The following DSE variants were observed in gnomAD, a reference collection of about 807,000 sequenced individuals.
DSE encodes the protein dermatan-sulfate epimerase.
In DSE, 36 loss-of-function variants were observed where a neutral mutation model predicts 84.4. That is an observed-to-expected ratio of 0.43 (90% confidence interval 0.33 to 0.56). DSE has a LOEUF of 0.56. DSE is among the 20% of genes least tolerant of loss of function. The pLI is 0.06. For synonymous variants in DSE, 410 were observed against 430.1 expected (o/e 0.95, Z 0.58); for missense variants, 862 against 1,169.6 (o/e 0.74, Z 3.84).
intron 2 of DSE, among the ~76,000 whole-genome samples, chr6:116,310,549 C>A (rs7341320): frequency 0.023 from 3,553 of 152,250 alleles, 143 homozygotes; most frequent in African/African-American, 0.08. Context: ...CTCCACAATT[C>A]ATTCAGTTCA....
intron 2 of DSE, chr6:116,412,839 C>G (rs1782469936): frequency 6.6e-6 from 1 of 151,556 alleles, no homozygotes; most frequent in African/African-American, 2.4e-5. Flanking sequence ...TTTCTCAACC[C>G]TTGTTTCCCT....
At chr6:116,279,970 C>G (rs920526755) in intron 2 of DSE, 1 of 1,250,918 alleles carries the variant, frequency 8.0e-7, no homozygotes, top group Non-Finnish European at 1.2e-6. Flanking sequence ...GGAGATCTCA[C>G]GGTATCGCGA....
intron 2 of DSE, among the ~76,000 whole-genome samples, chr6:116,335,430 G>A (rs1260048286): frequency 6.6e-6 from 1 of 152,062 alleles, no homozygotes; most frequent in East Asian, 1.9e-4. Flanking sequence ...TGAGTACTAG[G>A]CTTAATACCT....
At position 116,433,363 on chromosome 6, in the gene DSE, A is replaced by G. The variant is rs1456223406; in HGVS notation, c.931A>G (p.Ile311Val). ...CCTAGGGTTTCAAAGGACTGTGGCTATTGCGGACTCAAATTACAACTGGTT... is the reference window on the plus strand; with the variant it reads ...CCTAGGGTTTCAAAGGACTGTGGCTGTTGCGGACTCAAATTACAACTGGTT... ...ILPGFQRTVA[I>V]ADSNYNWFYG... Residue 311 changes from isoleucine to valine, a missense_variant, in exon 5 of 6, where the codon ATT becomes GTT. Transcript: ENST00000644252. The G allele has an allele frequency of 3.9e-6, 6 of 1,551,274 alleles. No individual in the cohort carries two copies. Among genetic ancestry groups the G allele is most frequent in the African/African-American group, 1.4e-5 (1 of 73,042 alleles).
chr6:116,422,181 G>A (rs6917751), intron 2 of DSE, among the ~76,000 whole-genome samples: 53,903 of 151,998 alleles, frequency 0.35, 9,819 homozygotes, highest in Admixed American at 0.37. Context: ...TCAGTCTACC[G>A]AATGTTGACA....
At chr6:116,395,549 A>G (rs1781199066) in intron 1 of DSE, among the ~76,000 whole-genome samples, 1 of 152,258 alleles carries the variant, frequency 6.6e-6, no homozygotes, top group South Asian at 2.1e-4. Flanking sequence ...TACCACCTTC[A>G]ACAATTTTTG....
At chr6:116,383,712 A>C (rs1195410042) in intron 1 of DSE, among the ~76,000 whole-genome samples, 1 of 152,194 alleles carries the variant, frequency 6.6e-6, no homozygotes, top group Non-Finnish European at 1.5e-5. Context: ...CCTGGGAGAT[A>C]GATATTTCTA....
rs1272702426 is a variant in DSE at position 116,437,407 on chromosome 6, T to C, written c.*62T>C. On this transcript the variant is annotated 3_prime_UTR_variant, in exon 6 of 6. Transcript: ENST00000644252. ...ACAAGAGTCTATGCAAAAAAAAAAA[T>C]TTCTTTACCCCAGATTATCAGATTT... 7.4e-7 allele frequency: 1 copy of C among 1,352,476 alleles called. No individual in the cohort carries two copies. Among genetic ancestry groups the C allele is most frequent in the African/African-American group, 1.5e-5 (1 of 66,768 alleles). The allele number at this position is 1,352,476 out of a possible 1,614,324, so 83.8% of individuals were successfully genotyped here. A position where few individuals can be genotyped will look rare whatever the true frequency, so the allele number is the denominator to read the frequency against.
chr6:116,377,587 T>A (rs953096012), intron 1 of DSE, among the ~76,000 whole-genome samples: 1 of 152,170 alleles, frequency 6.6e-6, no homozygotes, highest in East Asian at 1.9e-4. Context: ...TCCTTTAGAC[T>A]GGGGTACTGA....
chr6:116,435,137 A>T (rs542176497), intron 5 of DSE, among the ~76,000 whole-genome samples: 1 of 152,328 alleles, frequency 6.6e-6, no homozygotes, highest in Admixed American at 6.5e-5. Flanking sequence ...TCTTTTCAAT[A>T]CCAAACATTC....
chr6:116,365,695 T>A (rs1207201725), upstream of DSE, among the ~76,000 whole-genome samples: 2 of 152,378 alleles, frequency 1.3e-5, no homozygotes, highest in East Asian at 3.9e-4. Context: ...GACTTCATCC[T>A]AGAAGGAATT....
At chr6:116,378,379 A>G (rs1432847769) in intron 1 of DSE, among the ~76,000 whole-genome samples, 1 of 152,202 alleles carries the variant, frequency 6.6e-6, no homozygotes, top group Non-Finnish European at 1.5e-5. Flanking sequence ...GAAATTAGAA[A>G]TGATTTAAAT....
intron 2 of DSE, among the ~76,000 whole-genome samples, chr6:116,259,980 CTT>C (rs1772342795): frequency 6.6e-6 from 1 of 152,098 alleles, no homozygotes; most frequent in African/African-American, 2.4e-5. Context: ...GATAGAATGA[CTT>C]ATATTCCTTT....
intron 2 of DSE, among the ~76,000 whole-genome samples, chr6:116,309,965 G>A (rs931906906): frequency 6.6e-6 from 1 of 152,102 alleles, no homozygotes; most frequent in African/African-American, 2.4e-5. Flanking sequence ...AAAAAAAGAA[G>A]CATTTAAACC....
At chr6:116,304,472 A>G (rs546392457) in intron 2 of DSE, among the ~76,000 whole-genome samples, 1 of 152,214 alleles carries the variant, frequency 6.6e-6, no homozygotes, top group Non-Finnish European at 1.5e-5. Flanking sequence ...TATCAAACAC[A>G]TTAGTAGCCA....
chr6:116,385,132 GAAT>G (rs1780502648), intron 1 of DSE, among the ~76,000 whole-genome samples: 1 of 152,182 alleles, frequency 6.6e-6, no homozygotes, highest in African/African-American at 2.4e-5. Flanking sequence ...ATGTATACAG[GAAT>G]AATAGAGGCC....
At chr6:116,276,988 ATAGTT>A (rs1327357938) in intron 2 of DSE, 2 of 152,254 alleles carry the variant, frequency 1.3e-5, no homozygotes, top group Non-Finnish European at 2.9e-5. Flanking sequence ...TTCTAGGAAT[ATAGTT>A]TAACAGAAAC....
chr6:116,295,111 G>GA (rs1582961235), intron 2 of DSE, among the ~76,000 whole-genome samples: 2 of 152,216 alleles, frequency 1.3e-5, no homozygotes, highest in East Asian at 1.9e-4. Context: ...GCTGAACACA[G>GA]AAAAAAAGAC....
intron 2 of DSE, among the ~76,000 whole-genome samples, chr6:116,406,035 C>T (rs1472566825): frequency 7.9e-5 from 12 of 152,206 alleles, no homozygotes; most frequent in Admixed American, 7.9e-4. Flanking sequence ...AATGTTATGA[C>T]AGTTATAAAT....
Sources: gnomAD v4.1 joint callset for allele counts (sites outside exome capture counted in the v4.1 genomes callset) on GRCh38, gnomAD v4.1.1 for gene constraint, MANE v1.5 for transcripts, NCBI Gene and HGNC (gene_info 2026-07-23, HGNC 2026-07-21) for gene names.